YPEL3: variants seen among roughly 807,000 people sequenced by gnomAD.
YPEL3 encodes protein yippee-like 3.
Under a neutral mutation model 17.5 loss-of-function variants are expected in YPEL3, and 5 were observed. That is an observed-to-expected ratio of 0.29 (90% CI 0.15 to 0.60). The LOEUF is 0.60. Among genes scored for constraint, YPEL3 ranks in the 20% least tolerant of loss-of-function variants. The probability of loss-of-function intolerance (pLI) is 0.87; values close to 1 mark genes in which losing one functional copy is unlikely to be tolerated. For missense variants in YPEL3, 155 were observed against 211.4 expected (o/e 0.73, Z 1.65); for synonymous variants, 87 against 87.2 (o/e 1.00, Z 0.01).
chr16:30,095,607 A>G lies in YPEL3; in HGVS notation c.-125T>C. Reference sequence around the variant, plus strand: ...GGTTTTGACTCAGTGAGGAGGCCTCAGGTTGCATCCATGGGGAAACTGAGG... The same window carrying G: ...GGTTTTGACTCAGTGAGGAGGCCTCGGGTTGCATCCATGGGGAAACTGAGG... On this transcript the variant is annotated 5_prime_UTR_variant, in exon 1 of 4. It removes the in-frame stop codon of an upstream open reading frame in the 5' UTR. Coordinates refer to ENST00000398841, the MANE Select transcript of YPEL3 (RefSeq NM_031477.5). The surrounding 1 kb of genome is among the most constrained non-coding windows in gnomAD (Gnocchi z 5.4). The G allele has an allele frequency of 1.2e-6, 1 of 844,008 alleles. No individual in the cohort carries two copies. The highest frequency in any genetic ancestry group is 1.7e-5 in the African/African-American group (1 of 58,564). 52.3% of individuals were successfully genotyped at this position (844,008 alleles called of 1,614,324 possible).
chr16:30,092,536 C>G lies in YPEL3; in HGVS notation c.*174G>C. ...GCAGGAGGTGCGGGGGCGTCGTCCC[C>G]CTTCTGTTCTCCCCCCAAGGTCACA... On this transcript the variant is annotated 3_prime_UTR_variant, in exon 4 of 4. Transcript: ENST00000398841. 1.7e-6 allele frequency: 1 copy of G among 599,188 alleles called. No homozygotes were observed. The highest frequency in any genetic ancestry group is 2.9e-6 in the Non-Finnish European group (1 of 345,114). The allele number at this position is 599,188 out of a possible 1,614,324, so 37.1% of individuals were successfully genotyped here. A position where few individuals can be genotyped will look rare whatever the true frequency, so the allele number is the denominator to read the frequency against.
Position 30,092,696 on chromosome 16 carries a change from C to T in YPEL3, c.*14G>A, listed in dbSNP as rs771542075. ...CAGGCCGGGCTGGAGCCACATGCGTCGGGGGAGCGGGGGTCAGTCCCAGCC... is the reference window on the plus strand; with the variant it reads ...CAGGCCGGGCTGGAGCCACATGCGTTGGGGGAGCGGGGGTCAGTCCCAGCC... On this transcript the variant is annotated 3_prime_UTR_variant, in exon 4 of 4. Coordinates refer to ENST00000398841, the MANE Select transcript of YPEL3 (RefSeq NM_031477.5). 6.2e-7 allele frequency: 1 copy of T among 1,613,586 alleles called. No individual in the cohort carries two copies. The highest frequency in any genetic ancestry group is 8.5e-7 in the Non-Finnish European group (1 of 1,179,704).
Position 30,095,999 on chromosome 16 carries a change from G to A in YPEL3, c.-517C>T, listed in dbSNP as rs2072789550. Reference sequence around the variant, plus strand: ...TTACCTGGACTCCGGGGCTCACCTGGGGCGCGGGGGTGGGGGCGGGCGCCG... The same window carrying A: ...TTACCTGGACTCCGGGGCTCACCTGAGGCGCGGGGGTGGGGGCGGGCGCCG... On this transcript the variant is annotated 5_prime_UTR_variant, in exon 1 of 4. Transcript: ENST00000398841. The surrounding 1 kb of genome is among the most constrained non-coding windows in gnomAD (Gnocchi z 5.4). The A allele has an allele frequency of 6.6e-6, 1 of 150,882 alleles. No individual in the cohort carries two copies. Among genetic ancestry groups the A allele is most frequent in the Admixed American group, 6.6e-5 (1 of 15,196 alleles). 9.3% of individuals were successfully genotyped at this position (150,882 alleles called of 1,614,324 possible). A position where few individuals can be genotyped will look rare whatever the true frequency, so the allele number is the denominator to read the frequency against.
At chr16:30,094,641 T>C in intron 3 of YPEL3, 148 bp downstream of exon 3, 1 of 760,982 alleles carries the variant, frequency 1.3e-6, no homozygotes. Context: ...CCTTGCAAGG[T>C]GCAAGATAAA....
chr16:30,095,527 G>A lies in YPEL3; in HGVS notation c.-45C>T. ...GTGGGGACTCGCTCTGTCACACTGG[G>A]CTGCTCTCTCCTTTCCCCAGAGCCA... is the stretch of plus-strand genomic sequence containing the variant. On this transcript the variant is annotated 5_prime_UTR_variant, in exon 1 of 4. Coordinates refer to ENST00000398841, the MANE Select transcript of YPEL3 (RefSeq NM_031477.5). This position sits in a 1 kb window ranked among gnomAD's most constrained non-coding sequence, Gnocchi z 5.4. 7.0e-7 allele frequency: 1 copy of A among 1,424,548 alleles called. No individual in the cohort carries two copies. Among genetic ancestry groups the A allele is most frequent in the East Asian group, 2.5e-5 (1 of 40,036 alleles). 88.2% of individuals were successfully genotyped at this position (1,424,548 alleles called of 1,614,324 possible).
Position 30,095,846 on chromosome 16 carries a change from T to G in YPEL3, c.-364A>C. ...TTTAGGGGGTTCATCGGGGAGAGGG[T>G]CCCCCACCTGGAGGAGGTAGGAGGC... is the stretch of plus-strand genomic sequence containing the variant. On this transcript the variant is annotated 5_prime_UTR_variant, in exon 1 of 4. Coordinates refer to ENST00000398841, the MANE Select transcript of YPEL3 (RefSeq NM_031477.5). This position sits in a 1 kb window ranked among gnomAD's most constrained non-coding sequence, Gnocchi z 5.4. The G allele has an allele frequency of 4.3e-6, 1 of 234,410 alleles. No homozygotes were observed. The highest frequency in any genetic ancestry group is 5.1e-5 in the Admixed American group (1 of 19,434). 14.5% of individuals were successfully genotyped at this position (234,410 alleles called of 1,614,324 possible). A position where few individuals can be genotyped will look rare whatever the true frequency, so the allele number is the denominator to read the frequency against.
chr16:30,094,719 C>T lies in YPEL3; in HGVS notation c.384+70G>A, dbSNP rs1215661926. The T allele has an allele frequency of 2.8e-6, 4 of 1,403,794 alleles. No homozygotes were observed. The East Asian group carries it at 9.1e-5, about 32-fold the overall frequency. The allele number at this position is 1,403,794 out of a possible 1,614,324, so 87.0% of individuals were successfully genotyped here. On this transcript the variant is annotated intron_variant, in intron 3 of 3. Coordinates refer to ENST00000398841, the MANE Select transcript of YPEL3 (RefSeq NM_031477.5). ...TGCAATCTGAAAGGCTATAGGGTGA[C>T]AGCTTGTCAGGAGGAGGTGTTGGAA... is the stretch of plus-strand genomic sequence containing the variant.
At chr16:30,094,682 G>C (rs865793573) in intron 3 of YPEL3, 107 bp downstream of exon 3, 1 of 1,048,936 alleles carries the variant, frequency 9.5e-7, no homozygotes, top group Non-Finnish European at 1.5e-6. Context: ...TGACTTGTGT[G>C]AGCTCGGCCT....
chr16:30,095,640 G>A lies in YPEL3; in HGVS notation c.-158C>T. ...TCCATGGGGAAACTGAGGCTCGGAG[G>A]TGCCCAGGGTGAGTCACCCGCCTGC... is the stretch of plus-strand genomic sequence containing the variant. On this transcript the variant is annotated 5_prime_UTR_variant, in exon 1 of 4. Transcript: ENST00000398841. This position sits in a 1 kb window ranked among gnomAD's most constrained non-coding sequence, Gnocchi z 5.4. 2 of 625,202 alleles carry A rather than the reference G, an allele frequency of 3.2e-6. No individual in the cohort carries two copies. The highest frequency in any genetic ancestry group is 5.3e-6 in the Non-Finnish European group (2 of 380,894). The allele number at this position is 625,202 out of a possible 1,614,324, so 38.7% of individuals were successfully genotyped here. A position where few individuals can be genotyped will look rare whatever the true frequency, so the allele number is the denominator to read the frequency against.
intron 3 of YPEL3, among the ~76,000 whole-genome samples, chr16:30,093,586 G>A (rs2151035498): frequency 6.6e-6 from 1 of 151,594 alleles, no homozygotes; most frequent in Admixed American, 6.6e-5. Context: ...TTGACCTCTT[G>A]TTTAGGCCAG....
chr16:30,095,585 T>A lies in YPEL3; in HGVS notation c.-103A>T, dbSNP rs1274460047. On this transcript the variant is annotated 5_prime_UTR_variant, in exon 1 of 4. Coordinates refer to ENST00000398841, the MANE Select transcript of YPEL3 (RefSeq NM_031477.5). The surrounding 1 kb of genome is among the most constrained non-coding windows in gnomAD (Gnocchi z 5.4). Reference sequence around the variant, plus strand: ...CTCCGGGGACCAGAGGCGTCTCGGTTTTGACTCAGTGAGGAGGCCTCAGGT... The same window carrying A: ...CTCCGGGGACCAGAGGCGTCTCGGTATTGACTCAGTGAGGAGGCCTCAGGT... 1 of 1,067,104 alleles carries A rather than the reference T, an allele frequency of 9.4e-7. No individual in the cohort carries two copies. The allele number at this position is 1,067,104 out of a possible 1,614,324, so 66.1% of individuals were successfully genotyped here. A position where few individuals can be genotyped will look rare whatever the true frequency, so the allele number is the denominator to read the frequency against.
At position 30,095,570 on chromosome 16, in the gene YPEL3, C is replaced by T. The variant is rs2072784493; in HGVS notation, c.-88G>A. On this transcript the variant is annotated 5_prime_UTR_variant, in exon 1 of 4. Transcript: ENST00000398841. The surrounding 1 kb of genome is among the most constrained non-coding windows in gnomAD (Gnocchi z 5.4). ...CAGAGCCAGCAGCCTCTCCGGGGACCAGAGGCGTCTCGGTTTTGACTCAGT... is the reference window on the plus strand; with the variant it reads ...CAGAGCCAGCAGCCTCTCCGGGGACTAGAGGCGTCTCGGTTTTGACTCAGT... The T allele has an allele frequency of 3.4e-6, 4 of 1,183,780 alleles. No individual in the cohort carries two copies. The highest frequency in any genetic ancestry group is 3.4e-6 in the Non-Finnish European group (3 of 871,874). 73.3% of individuals were successfully genotyped at this position (1,183,780 alleles called of 1,614,324 possible).
chr16:30,094,767 G>A (rs754310601), intron 3 of YPEL3, 22 bp downstream of exon 3: 8 of 1,609,030 alleles, frequency 5.0e-6, no homozygotes, highest in African/African-American at 1.3e-5. Context: ...GGCTAGCCTG[G>A]GGTCAGAGGT....
intron 3 of YPEL3, among the ~76,000 whole-genome samples, chr16:30,093,103 A>G (rs1176795657): frequency 6.6e-6 from 1 of 152,258 alleles, no homozygotes; most frequent in Non-Finnish European, 1.5e-5. Context: ...ATGTTTGGAC[A>G]GCAGACAGTT....
chr16:30,093,023 C>G (rs963740306), intron 3 of YPEL3, among the ~76,000 whole-genome samples: 18 of 152,148 alleles, frequency 1.2e-4, no homozygotes, highest in African/African-American at 4.3e-4. Flanking sequence ...AGGGAAGTGG[C>G]TAAAAGATTT....
chr16:30,094,936 A>G, intron 2 of YPEL3, 39 bp from the exon 3 acceptor site: 1 of 1,603,412 alleles, frequency 6.2e-7, no homozygotes, highest in Non-Finnish European at 8.5e-7. Flanking sequence ...GGGTCCTGCC[A>G]TCACAGGGCC....
rs776428470 is a variant in YPEL3, at chr16:30,095,026, G to C, written c.275+77C>G. ...TTCCTGCCTGCACCGGGGAACTCTG[G>C]GAGTCTCAGCAGGATGCCAGGGGTC... On this transcript the variant is annotated intron_variant, in intron 2 of 3. Coordinates refer to ENST00000398841, the MANE Select transcript of YPEL3 (RefSeq NM_031477.5). The surrounding 1 kb of genome is among the most constrained non-coding windows in gnomAD (Gnocchi z 5.4). 8 of 1,606,270 alleles carry C rather than the reference G, an allele frequency of 5.0e-6. No individual in the cohort carries two copies. The highest frequency in any genetic ancestry group is 6.8e-6 in the Non-Finnish European group (8 of 1,173,992).
Position 30,095,628 on chromosome 16 carries a change from T to A in YPEL3, c.-146A>T. ...CCTCAGGTTGCATCCATGGGGAAAC[T>A]GAGGCTCGGAGGTGCCCAGGGTGAG... On this transcript the variant is annotated 5_prime_UTR_variant, in exon 1 of 4. Transcript: ENST00000398841. This position sits in a 1 kb window ranked among gnomAD's most constrained non-coding sequence, Gnocchi z 5.4. 1.4e-6 allele frequency: 1 copy of A among 701,854 alleles called. No homozygotes were observed. Among genetic ancestry groups the A allele is most frequent in the Non-Finnish European group, 2.2e-6 (1 of 448,822 alleles). The allele number at this position is 701,854 out of a possible 1,614,324, so 43.5% of individuals were successfully genotyped here. A position where few individuals can be genotyped will look rare whatever the true frequency, so the allele number is the denominator to read the frequency against.
intron 3 of YPEL3, chr16:30,093,689 G>A (rs954580474): frequency 6.7e-6 from 1 of 149,106 alleles, no homozygotes; most frequent in Non-Finnish European, 1.5e-5. Flanking sequence ...CAATTCTCCT[G>A]CCTCAACCTC....
Sources: allele counts gnomAD v4.1 joint callset (sites outside exome capture counted in the v4.1 genomes callset), GRCh38; gene constraint gnomAD v4.1.1; non-coding constraint Gnocchi (gnomAD v3.1); transcripts MANE v1.5; gene names NCBI Gene and HGNC (gene_info 2026-07-23, HGNC 2026-07-21).